RXRA: variants seen among roughly 807,000 people sequenced by gnomAD.
RXRA encodes the protein retinoid X receptor alpha.
Under a neutral mutation model 44.5 loss-of-function variants are expected in RXRA, and 5 were observed. The observed-to-expected ratio is 0.11, with a 90% confidence interval of 0.06 to 0.24. The LOEUF is 0.24. RXRA is among the 10% of genes least tolerant of loss of function. The pLI is 1.00. For synonymous variants in RXRA, 291 were observed against 271.4 expected, an observed-to-expected ratio of 1.07 and a Z score of -0.71; for missense variants, 412 against 646.5, an observed-to-expected ratio of 0.64 and a Z score of 3.93.
At chr9:134,430,319 T>G (rs1170844789) in intron 7 of RXRA, among the ~76,000 whole-genome samples, 3 of 152,180 alleles carry the variant, frequency 2.0e-5, no homozygotes, top group African/African-American at 7.2e-5. Flanking sequence ...GGCAGGGGTC[T>G]GCAACACAGG....
At chr9:134,336,427 A>G (rs1171652376) in intron 1 of RXRA, among the ~76,000 whole-genome samples, 1 of 152,148 alleles carries the variant, frequency 6.6e-6, no homozygotes, top group Non-Finnish European at 1.5e-5. Flanking sequence ...TCTCTGCCAC[A>G]TGGACTTTGT....
Position 134,436,619 on chromosome 9 carries a change from G to A in RXRA, c.*5G>A, listed in dbSNP as rs770789370. 3 of 1,613,768 alleles carry A rather than the reference G, an allele frequency of 1.9e-6. No homozygotes were observed. The highest frequency in any genetic ancestry group is 1.3e-5 in the African/African-American group (1 of 75,064). Reference sequence around the variant, plus strand: ...GCGCCGCACCAAATGACTTAGGCCTGCGGGCCCATCCTTTGTGCCCACCCG... The same window carrying A: ...GCGCCGCACCAAATGACTTAGGCCTACGGGCCCATCCTTTGTGCCCACCCG... On this transcript the variant is annotated 3_prime_UTR_variant, in exon 10 of 10. Coordinates refer to ENST00000481739, the MANE Select transcript of RXRA (RefSeq NM_002957.6).
intron 6 of RXRA, chr9:134,423,397 A>G (rs1038537023): frequency 8.1e-6 from 8 of 985,466 alleles, no homozygotes; most frequent in Non-Finnish European, 8.4e-6. Context: ...GCCTCAGCCC[A>G]TACAAGGCGG....
intron 1 of RXRA, among the ~76,000 whole-genome samples, chr9:134,382,858 G>T (rs565721199): frequency 6.6e-6 from 1 of 152,316 alleles, no homozygotes; most frequent in Non-Finnish European, 1.5e-5. Flanking sequence ...AGCGTTCGGC[G>T]AGTGTGGACT....
chr9:134,385,582 T>C (rs1588278856), intron 1 of RXRA, among the ~76,000 whole-genome samples: 1 of 152,180 alleles, frequency 6.6e-6, no homozygotes, highest in Admixed American at 6.5e-5. Context: ...CCCTGCTCAG[T>C]GTGGCCCTTG....
chr9:134,337,325 C>A (rs555179887), intron 1 of RXRA, among the ~76,000 whole-genome samples: 13 of 152,166 alleles, frequency 8.5e-5, no homozygotes, highest in African/African-American at 1.2e-4. Context: ...TCTGTCTGTC[C>A]GTCCGTCCAT....
At chr9:134,388,543 T>C (rs188476246) in intron 1 of RXRA, among the ~76,000 whole-genome samples, 1 of 152,342 alleles carries the variant, frequency 6.6e-6, no homozygotes, top group East Asian at 1.9e-4. Flanking sequence ...CGATTACCTC[T>C]GTCTGACTGC....
intron 1 of RXRA, among the ~76,000 whole-genome samples, chr9:134,331,207 G>C (rs1175981165): frequency 5.9e-5 from 9 of 152,198 alleles, no homozygotes; most frequent in African/African-American, 2.2e-4. Flanking sequence ...GCGAGGGACC[G>C]CGGTTTGCAC....
rs573423442 is a variant in RXRA, at chr9:134,352,741, G to A, written c.28+26082G>A. Among the ~76,000 whole-genome samples, 28 of 152,310 alleles carry A rather than the reference G, an allele frequency of 1.8e-4. No individual in the cohort carries two copies. The East Asian group carries it at 4.8e-3, about 26-fold the overall frequency. On this transcript the variant is annotated intron_variant, in intron 1 of 9. Coordinates refer to ENST00000481739, the MANE Select transcript of RXRA (RefSeq NM_002957.6). Reference sequence around the variant, plus strand: ...GGCAGTGTGGGGGCCAGCATGGGGCGGGCTCCACAGCTGACGGCTCGCATG... The same window carrying A: ...GGCAGTGTGGGGGCCAGCATGGGGCAGGCTCCACAGCTGACGGCTCGCATG...
rs566091321 is a variant in RXRA at position 134,342,637 on chromosome 9, C to T, written c.28+15978C>T. On this transcript the variant is annotated intron_variant, in intron 1 of 9. Coordinates refer to ENST00000481739, the MANE Select transcript of RXRA (RefSeq NM_002957.6). The surrounding 1 kb of genome is among the most constrained non-coding windows in gnomAD (Gnocchi z 4.4). Reference sequence around the variant, plus strand: ...TGAGCCCAGGCAGGTGGTGGGGCTGCGGGGCTGCGGGAGGAGGCCCCTGTG... The same window carrying T: ...TGAGCCCAGGCAGGTGGTGGGGCTGTGGGGCTGCGGGAGGAGGCCCCTGTG... 1.3e-5 allele frequency among the ~76,000 whole-genome samples: 2 copies of T among 152,130 alleles called. No homozygotes were observed. Among genetic ancestry groups the T allele is most frequent in the Non-Finnish European group, 2.9e-5 (2 of 67,970 alleles).
chr9:134,336,365 A>G (rs1830005103), intron 1 of RXRA, among the ~76,000 whole-genome samples: 1 of 152,216 alleles, frequency 6.6e-6, no homozygotes, highest in South Asian at 2.1e-4. Flanking sequence ...GCTGGTCTCC[A>G]GGCCCCTGCA....
chr9:134,408,287 G>T lies in RXRA; in HGVS notation c.418G>T (p.Asp140Tyr). The T allele has an allele frequency of 6.2e-7, 1 of 1,607,484 alleles. No individual in the cohort carries two copies. Among genetic ancestry groups the T allele is most frequent in the Non-Finnish European group, 8.5e-7 (1 of 1,177,386 alleles). Residue 140 changes from aspartate (D) to tyrosine (Y), a missense_variant, in exon 3 of 10, where the codon GAC (aspartate) becomes TAC (tyrosine). By Grantham distance (160) the Asp-to-Tyr change is radical (BLOSUM62 -3). This residue lies in a region of RXRA where 48 missense variants were observed against 119.9 expected (regional missense o/e 0.40). Coordinates refer to ENST00000481739, the MANE Select transcript of RXRA (RefSeq NM_002957.6). ...FTKHICAICG[D>Y]RSSGKHYGVY... ...CAAGCACATCTGCGCCATCTGCGGG[G>T]ACCGCTCCTCAGGTACCGCTGCTGT... is the stretch of plus-strand genomic sequence containing the variant.
At chr9:134,412,193 C>T (rs1045105952) in intron 4 of RXRA, among the ~76,000 whole-genome samples, 1 of 152,218 alleles carries the variant, frequency 6.6e-6, no homozygotes, top group African/African-American at 2.4e-5. Context: ...CCAAGTTGGC[C>T]AACACTAGGT....
chr9:134,411,937 A>T (rs966117675), intron 4 of RXRA, among the ~76,000 whole-genome samples: 1 of 152,088 alleles, frequency 6.6e-6, no homozygotes, highest in African/African-American at 2.4e-5. Flanking sequence ...GGTGCAGCCC[A>T]GGCACTCGCC....
intron 1 of RXRA, among the ~76,000 whole-genome samples, chr9:134,340,261 C>G (rs74596236): frequency 0.016 from 2,430 of 152,204 alleles, 75 homozygotes; most frequent in African/African-American, 0.056. Context: ...CCTGAGGGCT[C>G]GGGGTCCAGG....
intron 1 of RXRA, among the ~76,000 whole-genome samples, chr9:134,400,760 A>C (rs1019138167): frequency 1.3e-5 from 2 of 152,198 alleles, no homozygotes; most frequent in Non-Finnish European, 2.9e-5. Flanking sequence ...GGGAGGTCCC[A>C]GCCTCTCCTG....
At chr9:134,386,796 C>G (rs2119113582) in intron 1 of RXRA, among the ~76,000 whole-genome samples, 1 of 152,258 alleles carries the variant, frequency 6.6e-6, no homozygotes, top group East Asian at 1.9e-4. Context: ...GAAGAAAGAC[C>G]TGGGCTCTGG....
rs147994611 is a variant in RXRA, at chr9:134,382,785, G to A, written c.29-18847G>A. Among the ~76,000 whole-genome samples the A allele has an allele frequency of 5.9e-3, 894 of 152,262 alleles. 8 individuals are homozygous for A. Among genetic ancestry groups the A allele is most frequent in the African/African-American group, 0.021 (855 of 41,534 alleles). ...CCGTCTCTGAGCTGGGAAGACATGT[G>A]CCTGAGAGCTGGTCCGGGGTGGCCT... On this transcript the variant is annotated intron_variant, in intron 1 of 9. Coordinates refer to ENST00000481739, the MANE Select transcript of RXRA (RefSeq NM_002957.6).
chr9:134,435,394 C>T lies in RXRA; in HGVS notation c.1242-1073C>T, dbSNP rs544615644. Among the ~76,000 whole-genome samples, 71 of 146,938 alleles carry T rather than the reference C, an allele frequency of 4.8e-4. 2 individuals carry two copies. Among genetic ancestry groups the T allele is most frequent in the Non-Finnish European group, 6.0e-4 (40 of 66,450 alleles). ...AGCCCCAGACTTCCCCCCTCCCTCC[C>T]GCCCCCCCACTGGTCCCTGCCCCAG... On this transcript the variant is annotated intron_variant, in intron 9 of 9. Coordinates refer to ENST00000481739, the MANE Select transcript of RXRA (RefSeq NM_002957.6).
Sources: allele counts gnomAD v4.1 joint callset (sites outside exome capture counted in the v4.1 genomes callset), GRCh38; gene constraint gnomAD v4.1.1; regional missense constraint gnomAD v4.1.1; non-coding constraint Gnocchi (gnomAD v3.1); transcripts MANE v1.5; gene names NCBI Gene and HGNC (gene_info 2026-07-23, HGNC 2026-07-21).